The following SLC1A1 variants were observed in gnomAD, a reference collection of about 807,000 sequenced individuals.
SLC1A1 encodes the protein solute carrier family 1 member 1, also known as excitatory amino acid transporter 3.
A neutral mutation model predicts 53.3 loss-of-function variants in SLC1A1; 43 were observed. That is an observed-to-expected ratio of 0.81 (90% CI 0.63 to 1.04). SLC1A1 has a LOEUF of 1.04. Among genes scored for constraint, SLC1A1 ranks in the 50% least tolerant of loss-of-function variants. The pLI, the probability that SLC1A1 is intolerant of heterozygous loss-of-function variation, is 0.00. For synonymous variants in SLC1A1, 307 were observed against 243.2 expected (o/e 1.26, Z -2.44); for missense variants, 748 against 664.9 (o/e 1.12, Z -1.37).
chr9:4,572,428 C>T (rs745368272), intron 7 of SLC1A1, 40 bp downstream of exon 7: 15 of 1,523,830 alleles, frequency 9.8e-6, no homozygotes, highest in Non-Finnish European at 1.3e-5. Flanking sequence ...CTTCCCCTGA[C>T]AATTCTGTCT....
intron 6 of SLC1A1, among the ~76,000 whole-genome samples, chr9:4,571,002 T>C (rs369080853): frequency 5.3e-5 from 8 of 152,102 alleles, no homozygotes; most frequent in African/African-American, 1.9e-4. Context: ...AATGATAGAC[T>C]GGATAAAGAA....
intron 2 of SLC1A1, among the ~76,000 whole-genome samples, chr9:4,558,562 T>C (rs1426389523): frequency 1.3e-5 from 2 of 152,212 alleles, no homozygotes; most frequent in Admixed American, 1.3e-4. Flanking sequence ...CACCAAGATC[T>C]CATTATTATC....
rs187572388 is a variant in SLC1A1 at position 4,522,298 on chromosome 9, G to A, written c.92-22269G>A. 1.8e-4 allele frequency among the ~76,000 whole-genome samples: 27 copies of A among 152,054 alleles called. No individual in the cohort carries two copies. In the East Asian group the frequency reaches 3.1e-3, roughly 17 times the overall value. On this transcript the variant is annotated intron_variant, in intron 1 of 11. Transcript: ENST00000262352. Reference sequence around the variant, plus strand: ...GATCTCCTGACCTTGTGATCTGCCCGCCTCAGCCTCCCAAAGTGCTGGGAT... The same window carrying A: ...GATCTCCTGACCTTGTGATCTGCCCACCTCAGCCTCCCAAAGTGCTGGGAT...
chr9:4,546,787 G>T (rs989635624), intron 2 of SLC1A1, among the ~76,000 whole-genome samples: 8 of 152,210 alleles, frequency 5.3e-5, no homozygotes, highest in African/African-American at 1.9e-4. Context: ...ATGAGCCACT[G>T]CATCCAGCCC....
chr9:4,542,019 G>A (rs1210960020), intron 1 of SLC1A1, among the ~76,000 whole-genome samples: 2 of 152,102 alleles, frequency 1.3e-5, no homozygotes, highest in African/African-American at 4.8e-5. Flanking sequence ...CCAAGATAAA[G>A]CACACCAATT....
At chr9:4,543,641 C>T (rs1465829377) in intron 1 of SLC1A1, among the ~76,000 whole-genome samples, 1 of 152,098 alleles carries the variant, frequency 6.6e-6, no homozygotes, top group South Asian at 2.1e-4. Flanking sequence ...TACTCAAAAT[C>T]AGAAACTTTG....
chr9:4,497,556 G>T (rs1365681081), intron 1 of SLC1A1, among the ~76,000 whole-genome samples: 1 of 152,110 alleles, frequency 6.6e-6, no homozygotes, highest in Non-Finnish European at 1.5e-5. Context: ...TTTGTCAAGG[G>T]AACAAATGAG....
chr9:4,566,152 T>G, intron 5 of SLC1A1, 63 bp downstream of exon 5: 1 of 1,429,756 alleles, frequency 7.0e-7, no homozygotes, highest in Non-Finnish European at 9.9e-7. Flanking sequence ...TAAAAATGTT[T>G]TTTTCTGCTG....
intron 1 of SLC1A1, among the ~76,000 whole-genome samples, chr9:4,491,344 A>C (rs1262049253): frequency 6.6e-6 from 1 of 152,156 alleles, no homozygotes; most frequent in East Asian, 1.9e-4. Flanking sequence ...GACTGCCTGC[A>C]CCCGGGCTCT....
intron 1 of SLC1A1, among the ~76,000 whole-genome samples, chr9:4,528,763 G>GT (rs1816359393): frequency 6.6e-6 from 1 of 151,644 alleles, no homozygotes; most frequent in African/African-American, 2.4e-5. Flanking sequence ...CGAGTTGGCT[G>GT]TAATATATGC....
At chr9:4,507,100 G>A (rs564808029) in intron 1 of SLC1A1, among the ~76,000 whole-genome samples, 2 of 152,150 alleles carry the variant, frequency 1.3e-5, no homozygotes, top group South Asian at 4.1e-4. Flanking sequence ...TGAGCGTGGT[G>A]GTGGGCACCT....
At chr9:4,555,711 G>A (rs1206325869) in intron 2 of SLC1A1, among the ~76,000 whole-genome samples, 1 of 152,172 alleles carries the variant, frequency 6.6e-6, no homozygotes, top group Admixed American at 6.5e-5. Context: ...CAGGGAACTG[G>A]AATCGTGCTC....
At chr9:4,525,922 G>A (rs1365636788) in intron 1 of SLC1A1, among the ~76,000 whole-genome samples, 1 of 152,048 alleles carries the variant, frequency 6.6e-6, no homozygotes, top group East Asian at 1.9e-4. Context: ...AAGATATTTA[G>A]AACTAAACAA....
chr9:4,533,518 C>A (rs570563757), intron 1 of SLC1A1, among the ~76,000 whole-genome samples: 23 of 152,286 alleles, frequency 1.5e-4, no homozygotes, highest in African/African-American at 5.1e-4. Context: ...AGCTAACTAT[C>A]CTAAATATAT....
intron 1 of SLC1A1, among the ~76,000 whole-genome samples, chr9:4,499,751 T>G (rs957373887): frequency 9.9e-5 from 15 of 152,232 alleles, no homozygotes; most frequent in Non-Finnish European, 2.1e-4. Flanking sequence ...TTGTTAGATG[T>G]TGCTTAATTT....
chr9:4,505,640 T>TTTG (rs372342003), intron 1 of SLC1A1, among the ~76,000 whole-genome samples: 26 of 152,172 alleles, frequency 1.7e-4, no homozygotes, highest in Middle Eastern at 3.4e-3. Flanking sequence ...TGTGAAATTC[T>TTTG]TTGTTGTTGT....
intron 1 of SLC1A1, among the ~76,000 whole-genome samples, chr9:4,513,322 T>A (rs1297345399): frequency 6.6e-6 from 1 of 152,144 alleles, no homozygotes; most frequent in Non-Finnish European, 1.5e-5. Context: ...TAAATTTGTA[T>A]CCAGAATATA....
rs57540172 is a variant in SLC1A1, at chr9:4,541,206, G to C, written c.92-3361G>C. 4.9e-3 allele frequency among the ~76,000 whole-genome samples: 741 copies of C among 152,266 alleles called. 8 individuals carry two copies. Among genetic ancestry groups the C allele is most frequent in the African/African-American group, 0.017 (703 of 41,554 alleles). Reference sequence around the variant, plus strand: ...TCTTGTCAACCTGAAATAATCAAAAGGATCAGAATCCAGTTTTAAAGAGTT... The same window carrying C: ...TCTTGTCAACCTGAAATAATCAAAACGATCAGAATCCAGTTTTAAAGAGTT... On this transcript the variant is annotated intron_variant, in intron 1 of 11. Coordinates refer to ENST00000262352, the MANE Select transcript of SLC1A1 (RefSeq NM_004170.6).
intron 10 of SLC1A1, among the ~76,000 whole-genome samples, chr9:4,580,651 G>GTGTGTGTGTA (rs370378540): frequency 0.15 from 18,164 of 118,656 alleles, 2,039 homozygotes; most frequent in Admixed American, 0.2. Context: ...GTGTGTGTGT[G>GTGTGTGTGTA]TATAAGGAAT....
Sources: allele counts gnomAD v4.1 joint callset (sites outside exome capture counted in the v4.1 genomes callset), GRCh38; gene constraint gnomAD v4.1.1; transcripts MANE v1.5; gene names NCBI Gene and HGNC (gene_info 2026-07-23, HGNC 2026-07-21).